AP3S1: variants seen among roughly 807,000 people sequenced by gnomAD.
The protein encoded by AP3S1 is adaptor related protein complex 3 subunit sigma 1, also known as AP-3 complex subunit sigma-1.
Under a neutral mutation model 21.3 loss-of-function variants are expected in AP3S1, and 12 were observed. The ratio of observed to expected loss-of-function variants is 0.56; its 90% CI spans 0.36 to 0.91. The LOEUF is 0.91. AP3S1 is among the 40% of genes least tolerant of loss of function. AP3S1 has a pLI of 0.01. For missense variants in AP3S1, 116 were observed against 225.0 expected, an observed-to-expected ratio of 0.52 and a Z score of 3.10; for synonymous variants, 48 against 78.4, an observed-to-expected ratio of 0.61 and a Z score of 2.05.
chr5:115,887,174 T>C (rs1295884197), intron 3 of AP3S1, among the ~76,000 whole-genome samples: 1 of 152,212 alleles, frequency 6.6e-6, no homozygotes, highest in Non-Finnish European at 1.5e-5. Flanking sequence ...CTAGCTCTGC[T>C]GGTACATTCA....
At chr5:115,872,741 G>A (rs1200404271) in intron 3 of AP3S1, among the ~76,000 whole-genome samples, 1 of 151,874 alleles carries the variant, frequency 6.6e-6, no homozygotes, top group East Asian at 1.9e-4. Flanking sequence ...GACATTGAAG[G>A]GTTGATCAGG....
At chr5:115,882,112 A>C (rs936604290) in intron 3 of AP3S1, among the ~76,000 whole-genome samples, 1 of 151,876 alleles carries the variant, frequency 6.6e-6, no homozygotes, top group Non-Finnish European at 1.5e-5. Flanking sequence ...ACCTTTTATC[A>C]AGGCTCTTAG....
chr5:115,890,624 A>G (rs923939270), intron 3 of AP3S1, among the ~76,000 whole-genome samples: 2 of 152,224 alleles, frequency 1.3e-5, no homozygotes, highest in Admixed American at 6.5e-5. Flanking sequence ...TTCTATGTGT[A>G]TGTTACACTT....
intron 2 of AP3S1, among the ~76,000 whole-genome samples, chr5:115,869,033 T>G (rs1316468840): frequency 6.6e-6 from 1 of 151,782 alleles, no homozygotes; most frequent in Non-Finnish European, 1.5e-5. Flanking sequence ...AGTTTAATTT[T>G]GGTTACATAT....
At chr5:115,867,082 CCTT>C (rs2112829803) in intron 2 of AP3S1, among the ~76,000 whole-genome samples, 1 of 152,124 alleles carries the variant, frequency 6.6e-6, no homozygotes, top group South Asian at 2.1e-4. Flanking sequence ...TCTTGTGTAT[CCTT>C]CTAGAAAATA....
intron 5 of AP3S1, among the ~76,000 whole-genome samples, chr5:115,908,046 T>C (rs1412055941): frequency 1.3e-5 from 2 of 152,184 alleles, no homozygotes; most frequent in Non-Finnish European, 2.9e-5. Flanking sequence ...CATTGCCTTT[T>C]AGCCACTAAA....
At chr5:115,855,171 G>C (rs1221259277) in intron 1 of AP3S1, among the ~76,000 whole-genome samples, 2 of 151,920 alleles carry the variant, frequency 1.3e-5, no homozygotes, top group East Asian at 1.9e-4. Flanking sequence ...TGAGTAGCTG[G>C]GACTACAGGC....
intron 1 of AP3S1, among the ~76,000 whole-genome samples, chr5:115,850,741 C>T (rs1233480730): frequency 6.6e-6 from 1 of 152,072 alleles, no homozygotes; most frequent in Non-Finnish European, 1.5e-5. Flanking sequence ...TGTGTACATA[C>T]CATCGACCTA....
intron 1 of AP3S1, among the ~76,000 whole-genome samples, chr5:115,853,746 C>A (rs779826353): frequency 2.0e-5 from 3 of 152,292 alleles, no homozygotes; most frequent in Non-Finnish European, 2.9e-5. Flanking sequence ...TGGTACTTTA[C>A]TCCAAGGTTT....
At chr5:115,845,221 AC>A (rs1561465555) in intron 1 of AP3S1, among the ~76,000 whole-genome samples, 1 of 152,204 alleles carries the variant, frequency 6.6e-6, no homozygotes, top group South Asian at 2.1e-4. Flanking sequence ...GACTGAGCTA[AC>A]AATTCCATAT....
chr5:115,861,664 C>G (rs1015466089), intron 1 of AP3S1, among the ~76,000 whole-genome samples: 2 of 151,968 alleles, frequency 1.3e-5, no homozygotes, highest in African/African-American at 4.8e-5. Context: ...AAGCAATCCT[C>G]CTACCTCAGC....
chr5:115,879,822 C>A (rs1356534367), intron 3 of AP3S1, among the ~76,000 whole-genome samples: 1 of 152,010 alleles, frequency 6.6e-6, no homozygotes, highest in Non-Finnish European at 1.5e-5. Flanking sequence ...CGGCTGTCAA[C>A]CTGTCTGGTC....
intron 1 of AP3S1, among the ~76,000 whole-genome samples, chr5:115,844,971 T>A (rs1197742404): frequency 7.0e-6 from 1 of 142,704 alleles, no homozygotes; most frequent in Non-Finnish European, 1.5e-5. Context: ...TAAATGCATT[T>A]ATTTAGAATC....
intron 5 of AP3S1, chr5:115,904,179 A>G (rs1751455131): frequency 6.6e-6 from 1 of 152,188 alleles, no homozygotes; most frequent in Non-Finnish European, 1.5e-5. Context: ...CTCAGATTGG[A>G]AAAAACAGAC....
intron 3 of AP3S1, 56 bp from the exon 4 acceptor site, chr5:115,895,031 A>G (rs909697530): frequency 3.3e-6 from 4 of 1,205,032 alleles, no homozygotes; most frequent in African/African-American, 3.0e-5. Flanking sequence ...TTCCTTATAG[A>G]TAATAGTTTT....
intron 3 of AP3S1, among the ~76,000 whole-genome samples, chr5:115,884,585 A>ATGTTCTTGTTGTT (rs1749613382): frequency 6.6e-6 from 1 of 152,240 alleles, no homozygotes; most frequent in Non-Finnish European, 1.5e-5. Context: ...CAACAACAAC[A>ATGTTCTTGTTGTT]ACAAGAAAAA....
intron 3 of AP3S1, among the ~76,000 whole-genome samples, chr5:115,882,816 A>G (rs983930739): frequency 1.9e-4 from 29 of 152,194 alleles, no homozygotes; most frequent in African/African-American, 7.0e-4. Context: ...CCCTTCCCCC[A>G]GGTGCTCTGT....
intron 3 of AP3S1, among the ~76,000 whole-genome samples, chr5:115,885,966 C>T (rs998768518): frequency 6.6e-6 from 1 of 152,074 alleles, no homozygotes; most frequent in African/African-American, 2.4e-5. Flanking sequence ...TTGCTTTATA[C>T]TTTTCTGTAT....
chr5:115,911,245 A>G (rs1752081392), intron 5 of AP3S1, among the ~76,000 whole-genome samples: 1 of 152,018 alleles, frequency 6.6e-6, no homozygotes, highest in African/African-American at 2.4e-5. Flanking sequence ...ATATTATGGA[A>G]AAGAGAGCTT....
Sources: allele counts gnomAD v4.1 joint callset (sites outside exome capture counted in the v4.1 genomes callset), GRCh38; gene constraint gnomAD v4.1.1; transcripts MANE v1.5; gene names NCBI Gene and HGNC (gene_info 2026-07-23, HGNC 2026-07-21).